CSMD1: variants seen among roughly 807,000 people sequenced by gnomAD.
The protein encoded by CSMD1 is CUB and Sushi multiple domains 1.
Under a neutral mutation model 417.5 loss-of-function variants are expected in CSMD1, and 213 were observed. The ratio of observed to expected loss-of-function variants is 0.51; its 90% CI spans 0.46 to 0.57. CSMD1 has a LOEUF of 0.57. Among genes scored for constraint, CSMD1 ranks in the 20% least tolerant of loss-of-function variants. CSMD1 has a pLI of 0.00. For synonymous variants in CSMD1, 2,862 were observed against 1,736.8 expected (o/e 1.65, Z -16.11); for missense variants, 6,923 against 4,529.7 (o/e 1.53, Z -15.17).
intron 2 of CSMD1, among the ~76,000 whole-genome samples, chr8:4,463,295 T>A (rs1799953524): frequency 6.6e-6 from 1 of 152,092 alleles, no homozygotes. Flanking sequence ...TAAGTGTTGG[T>A]GAGGAGGTGT....
At chr8:3,489,048 T>C (rs563495387) in intron 11 of CSMD1, among the ~76,000 whole-genome samples, 2 of 152,316 alleles carry the variant, frequency 1.3e-5, no homozygotes, top group South Asian at 4.1e-4. Flanking sequence ...ATTAAAGATA[T>C]ATAAAGATAC....
At chr8:4,832,755 A>T (rs915728434) in intron 1 of CSMD1, among the ~76,000 whole-genome samples, 2 of 152,186 alleles carry the variant, frequency 1.3e-5, no homozygotes, top group Non-Finnish European at 2.9e-5. Flanking sequence ...TACTGATTGG[A>T]TCAACTCTTA....
rs374314633 is a variant in CSMD1, at chr8:3,348,052, G to A, written c.3414C>T (p.Ala1138=). 4.3e-5 allele frequency: 70 copies of A among 1,611,174 alleles called. No individual in the cohort carries two copies. In the African/African-American group the frequency reaches 7.2e-4, roughly 17 times the overall value. The change falls in exon 22 of 70, where the codon GCC becomes GCT. Residue 1138 remains alanine, a synonymous_variant. Transcript: ENST00000635120. ...HECIYKIETE[A]GKGIHLRTRS... ...GTGTTCTAAGGTGGATGCCCTTGCC[G>A]GCTTCTGTTTCTATTTTATAGATAC... is the stretch of plus-strand genomic sequence containing the variant.
chr8:4,119,774 C>T (rs1802375254), intron 3 of CSMD1, among the ~76,000 whole-genome samples: 1 of 152,184 alleles, frequency 6.6e-6, no homozygotes, highest in Admixed American at 6.5e-5. Context: ...TTTGCTACAG[C>T]AGCCTGAGCT....
At chr8:4,529,753 G>C (rs912094039) in intron 2 of CSMD1, among the ~76,000 whole-genome samples, 1 of 151,952 alleles carries the variant, frequency 6.6e-6, no homozygotes, top group Non-Finnish European at 1.5e-5. Context: ...ACTATAAAGC[G>C]GTCCTGACAG....
chr8:4,684,049 T>A (rs1806217926), intron 1 of CSMD1, among the ~76,000 whole-genome samples: 1 of 152,234 alleles, frequency 6.6e-6, no homozygotes, highest in Non-Finnish European at 1.5e-5. Context: ...CATTTTACAA[T>A]TTTTGTAAGT....
At chr8:2,963,519 A>C in intron 59 of CSMD1, 124 bp from the exon 60 acceptor site, 2 of 943,410 alleles carry the variant, frequency 2.1e-6, no homozygotes, top group Non-Finnish European at 3.2e-6. Flanking sequence ...TTTAAAAAAA[A>C]ATAATAAAAG....
In CSMD1 at chr8:2,936,574, G is replaced by C. The variant is rs1435980900; in HGVS notation, c.*2011C>G. The C allele has an allele frequency of 6.6e-6, 1 of 152,128 alleles. No individual in the cohort carries two copies. The highest frequency in any genetic ancestry group is 2.4e-5 in the African/African-American group (1 of 41,406). The allele number at this position is 152,128 out of a possible 1,614,324, so 9.4% of individuals were successfully genotyped here. Reference sequence around the variant, plus strand: ...TCCCACTGGCAAAGCAAATCTCCAAGGATGTGGGCAGGTTGGCCAGGGAAA... The same window carrying C: ...TCCCACTGGCAAAGCAAATCTCCAACGATGTGGGCAGGTTGGCCAGGGAAA... On this transcript the variant is annotated 3_prime_UTR_variant, in exon 70 of 70. Coordinates refer to ENST00000635120, the MANE Select transcript of CSMD1 (RefSeq NM_033225.6).
chr8:3,497,137 T>C (rs1796399466), intron 10 of CSMD1, among the ~76,000 whole-genome samples: 1 of 152,200 alleles, frequency 6.6e-6, no homozygotes, highest in Admixed American at 6.5e-5. Flanking sequence ...GGATGAAATG[T>C]TCTGTAAATG....
intron 10 of CSMD1, among the ~76,000 whole-genome samples, chr8:3,573,864 CTATAA>C (rs1800040221): frequency 6.6e-6 from 1 of 151,626 alleles, no homozygotes; most frequent in Admixed American, 6.6e-5. Context: ...AAATCCATAC[CTATAA>C]TAGTTTCCTC....
At chr8:3,430,224 C>G (rs773762721) in intron 12 of CSMD1, among the ~76,000 whole-genome samples, 1 of 152,104 alleles carries the variant, frequency 6.6e-6, no homozygotes. Flanking sequence ...ATATGTAGGA[C>G]TATCTGCTAT....
chr8:3,403,402 G>A (rs1017931859), intron 15 of CSMD1, among the ~76,000 whole-genome samples: 4 of 152,096 alleles, frequency 2.6e-5, no homozygotes, highest in African/African-American at 4.8e-5. Flanking sequence ...CCATCGGAGC[G>A]TCCCCTACCT....
rs183592522 is a variant in CSMD1, at chr8:3,605,189, C to T, written c.1097+11521G>A. Among the ~76,000 whole-genome samples, 9 of 152,212 alleles carry T rather than the reference C, an allele frequency of 5.9e-5. No homozygotes were observed. The East Asian group carries it at 1.7e-3, about 30-fold the overall frequency. On this transcript the variant is annotated intron_variant, in intron 8 of 69. Transcript: ENST00000635120. ...GTATTTTTAGTAGAAACAGGGTTTC[C>T]CTGTTTTGACTAGGCTGGTCTCGAG...
At chr8:3,772,110 G>A (rs550672030) in intron 5 of CSMD1, among the ~76,000 whole-genome samples, 3 of 149,510 alleles carry the variant, frequency 2.0e-5, no homozygotes, top group East Asian at 3.9e-4. Flanking sequence ...TTTTGTGTGA[G>A]TGCTCTAAAC....
chr8:4,202,896 T>C (rs1004597627), intron 3 of CSMD1, among the ~76,000 whole-genome samples: 2 of 152,152 alleles, frequency 1.3e-5, no homozygotes, highest in African/African-American at 4.8e-5. Context: ...AGAAGGGGCA[T>C]GGACTGTGTG....
intron 17 of CSMD1, among the ~76,000 whole-genome samples, chr8:3,392,780 C>A (rs1196442733): frequency 6.6e-6 from 1 of 152,070 alleles, no homozygotes; most frequent in Non-Finnish European, 1.5e-5. Flanking sequence ...AGAAACCTTC[C>A]CCTTCAGCAC....
At chr8:4,091,179 A>G (rs929492160) in intron 3 of CSMD1, among the ~76,000 whole-genome samples, 2 of 152,134 alleles carry the variant, frequency 1.3e-5, no homozygotes, top group Non-Finnish European at 2.9e-5. Flanking sequence ...TCGGCCTCCC[A>G]AAGTGCTGGG....
intron 3 of CSMD1, among the ~76,000 whole-genome samples, chr8:4,047,405 G>C (rs966422132): frequency 6.6e-6 from 1 of 151,996 alleles, no homozygotes; most frequent in Non-Finnish European, 1.5e-5. Context: ...GAAATATTGC[G>C]GAAAAAATAA....
intron 7 of CSMD1, among the ~76,000 whole-genome samples, chr8:3,703,156 T>C (rs552520163): frequency 2.6e-4 from 39 of 152,306 alleles, no homozygotes; most frequent in Admixed American, 1.7e-3. Flanking sequence ...AAAAGGAAAT[T>C]CTAAATCTTC....
Sources: gnomAD v4.1 joint callset for allele counts (sites outside exome capture counted in the v4.1 genomes callset) on GRCh38, gnomAD v4.1.1 for gene constraint, MANE v1.5 for transcripts, NCBI Gene and HGNC (gene_info 2026-07-23, HGNC 2026-07-21) for gene names.